PCDHA8: variants seen among roughly 807,000 people sequenced by gnomAD.
PCDHA8 encodes protocadherin alpha-8.
In PCDHA8, 53 loss-of-function variants were observed where a neutral mutation model predicts 61.8. That is an observed-to-expected ratio of 0.86 (90% confidence interval 0.69 to 1.08). The LOEUF (loss-of-function observed/expected upper bound fraction) is 1.08. PCDHA8 is among the 50% of genes least tolerant of loss of function. The pLI, the probability that PCDHA8 is intolerant of heterozygous loss-of-function variation, is 0.00. For synonymous variants in PCDHA8, 618 were observed against 556.6 expected, an observed-to-expected ratio of 1.11 and a Z score of -1.55; for missense variants, 1,293 against 1,245.0, an observed-to-expected ratio of 1.04 and a Z score of -0.58.
chr5:140,884,449 C>T, intron 1 of PCDHA8: 1 of 1,613,826 alleles, frequency 6.2e-7, no homozygotes, highest in Non-Finnish European at 8.5e-7. Context: ...CGGCACCGCC[C>T]ACCGAGGGCG....
intron 2 of PCDHA8, among the ~76,000 whole-genome samples, chr5:140,982,084 A>G (rs2096965344): frequency 6.6e-6 from 1 of 152,266 alleles, no homozygotes; most frequent in East Asian, 1.9e-4. Flanking sequence ...TAGAGAACCT[A>G]GGAACAAGAG....
chr5:141,008,199 T>G (rs966441661), intron 3 of PCDHA8, among the ~76,000 whole-genome samples: 3 of 152,338 alleles, frequency 2.0e-5, no homozygotes, highest in Admixed American at 2.0e-4. Flanking sequence ...AGTAATATAA[T>G]GAACTTGACA....
In PCDHA8 at chr5:140,843,591, G is replaced by A. The variant is rs2150363188; in HGVS notation, c.2270G>A (p.Arg757Lys). 1 of 1,596,134 alleles carries A rather than the reference G, an allele frequency of 6.3e-7. No individual in the cohort carries two copies. The highest frequency in any genetic ancestry group is 1.7e-5 in the Admixed American group (1 of 59,346). The change falls in exon 1 of 4, where the codon AGG (arginine) becomes AAG (lysine). Residue 757 changes from arginine to lysine, a missense_variant. Coordinates refer to ENST00000531613, the MANE Select transcript of PCDHA8 (RefSeq NM_018911.3). ...TCATACTCGCAACAACAGCCGCAGA[G>A]GGTGTGCTCTGGTGAGGGGCCACCG... The part of the protein sequence containing the change: ...SWSYSQQQPQ[R>K]VCSGEGPPKT...
intron 1 of PCDHA8, among the ~76,000 whole-genome samples, chr5:140,975,576 C>G (rs1170899911): frequency 6.6e-6 from 1 of 152,208 alleles, no homozygotes; most frequent in Non-Finnish European, 1.5e-5. Flanking sequence ...TATATGCAGT[C>G]TCATGTCCCA....
chr5:140,980,901 T>C, intron 2 of PCDHA8, among the ~76,000 whole-genome samples: 1 of 152,218 alleles, frequency 6.6e-6, no homozygotes, highest in East Asian at 1.9e-4. Context: ...TTGGACATCA[T>C]GTAACTATTC....
At chr5:140,907,517 G>C (rs1174112923) in intron 1 of PCDHA8, among the ~76,000 whole-genome samples, 1 of 152,192 alleles carries the variant, frequency 6.6e-6, no homozygotes, top group Non-Finnish European at 1.5e-5. Flanking sequence ...TTCCAGTGAG[G>C]ACAAATCGCT....
intron 3 of PCDHA8, among the ~76,000 whole-genome samples, chr5:141,001,133 A>G (rs2097993653): frequency 6.6e-6 from 1 of 152,034 alleles, no homozygotes; most frequent in Non-Finnish European, 1.5e-5. Flanking sequence ...AAACAAATGA[A>G]TCTTCTGTTG....
intron 1 of PCDHA8, among the ~76,000 whole-genome samples, chr5:140,889,253 G>A (rs1272394693): frequency 6.6e-6 from 1 of 151,724 alleles, no homozygotes; most frequent in Non-Finnish European, 1.5e-5. Flanking sequence ...TCTGTTTCCT[G>A]TAAAAGTTTG....
rs2150360116 is a variant in PCDHA8 at position 140,843,442 on chromosome 5, A to G, written c.2121A>G (p.Val707=). The G allele has an allele frequency of 4.5e-5, 72 of 1,596,116 alleles. 7 individuals are homozygous for G. The highest frequency in any genetic ancestry group is 1.7e-4 in the Middle Eastern group (1 of 5,982). ...ACCTGATCATCGCCATCTGCGCGGT[A>G]TCCAGCCTGCTGGTGCTCACGCTGC... ...NVYLIIAICA[V]SSLLVLTLLL... Residue 707 remains valine, a synonymous_variant, in exon 1 of 4, where the codon GTA becomes GTG. Coordinates refer to ENST00000531613, the MANE Select transcript of PCDHA8 (RefSeq NM_018911.3).
intron 1 of PCDHA8, chr5:140,870,904 G>A (rs1554164810): frequency 1.9e-6 from 3 of 1,613,840 alleles, no homozygotes; most frequent in African/African-American, 2.7e-5. Context: ...TGCGGACTCA[G>A]GCTACAACGC....
At chr5:140,882,755 G>C (rs1554175453) in intron 1 of PCDHA8, 3 of 1,614,112 alleles carry the variant, frequency 1.9e-6, no homozygotes, top group Non-Finnish European at 2.5e-6. Context: ...TGCAGATATT[G>C]GAGTAAACTC....
At chr5:140,882,339 G>A (rs1554173610) in intron 1 of PCDHA8, 1 of 1,614,162 alleles carries the variant, frequency 6.2e-7, no homozygotes, top group Admixed American at 1.7e-5. Flanking sequence ...CTCGCAGCCT[G>A]GGAGACGGGT....
rs79304807 is a variant in PCDHA8 at position 140,914,832 on chromosome 5, A to G, written c.2395-64117A>G. ...ACTTAACAGACTGCATAAACAAAAA[A>G]CAAACACACAAAAGGAAGACTAATA... On this transcript the variant is annotated intron_variant, in intron 1 of 3. Transcript: ENST00000531613. 8.0e-3 allele frequency among the ~76,000 whole-genome samples: 1,220 copies of G among 152,292 alleles called. 6 individuals carry two copies. Among genetic ancestry groups the G allele is most frequent in the African/African-American group, 0.019 (787 of 41,574 alleles).
At chr5:140,978,694 G>A (rs1184051557) in intron 1 of PCDHA8, among the ~76,000 whole-genome samples, 1 of 152,258 alleles carries the variant, frequency 6.6e-6, no homozygotes, top group African/African-American at 2.4e-5. Context: ...GCAAGGCAAA[G>A]CCAAAGGTGG....
intron 1 of PCDHA8, chr5:140,882,004 C>CA (rs1296948506): frequency 1.0e-5 from 5 of 496,760 alleles, no homozygotes; most frequent in Non-Finnish European, 1.7e-5. Flanking sequence ...ATGCAAGGGG[C>CA]AAAAAAATAC....
intron 1 of PCDHA8, chr5:140,871,673 C>A: frequency 8.7e-7 from 1 of 1,142,932 alleles, no homozygotes; most frequent in Non-Finnish European, 1.2e-6. Flanking sequence ...GTCTTTTAAT[C>A]ATATGAATAA....
intron 1 of PCDHA8, chr5:140,858,510 T>C: frequency 2.1e-6 from 3 of 1,437,158 alleles, no homozygotes; most frequent in African/African-American, 1.4e-5. Flanking sequence ...TTCTCAAATA[T>C]GTATCAGAAT....
At chr5:140,884,054 G>A (rs1313975286) in intron 1 of PCDHA8, 1 of 1,613,390 alleles carries the variant, frequency 6.2e-7, no homozygotes, top group Non-Finnish European at 8.5e-7. Flanking sequence ...GAAGGTGCGC[G>A]CGGTGGACGC....
chr5:140,969,454 A>T, intron 1 of PCDHA8: 1 of 1,511,824 alleles, frequency 6.6e-7, no homozygotes. Flanking sequence ...AACTGAGTAT[A>T]TATAGTATCC....
Sources: gnomAD v4.1 joint callset for allele counts (sites outside exome capture counted in the v4.1 genomes callset) on GRCh38, gnomAD v4.1.1 for gene constraint, MANE v1.5 for transcripts, NCBI Gene and HGNC (gene_info 2026-07-23, HGNC 2026-07-21) for gene names.